The following MYBPC3 variants were observed in gnomAD, a reference collection of about 807,000 sequenced individuals.
MYBPC3 encodes myosin-binding protein C, cardiac-type.
MYBPC3 carries 108 observed loss-of-function variants against 159.3 expected under a neutral mutation model. The observed-to-expected ratio is 0.68, with a 90% CI of 0.58 to 0.80. The LOEUF is 0.80. Among genes scored for constraint, MYBPC3 ranks in the 30% least tolerant of loss-of-function variants. MYBPC3 has a pLI of 0.00. For missense variants in MYBPC3, 1,631 were observed against 1,762.1 expected (o/e 0.93, Z 1.33); for synonymous variants, 730 against 702.0 (o/e 1.04, Z -0.63).
chr11:47,333,394 G>A, intron 29 of MYBPC3, 61 bp from the exon 30 acceptor site: 1 of 1,502,354 alleles, frequency 6.7e-7, no homozygotes, highest in South Asian at 1.3e-5. Context: ...GGGGTCACTG[G>A]CTCCAGGGAC....
rs2095885351 is a variant in MYBPC3 at position 47,338,825 on chromosome 11, C to A, written c.2149-146G>T. On this transcript the variant is annotated intron_variant, in intron 22 of 34. Coordinates refer to ENST00000545968, the MANE Select transcript of MYBPC3 (RefSeq NM_000256.3). This position sits in a 1 kb window ranked among gnomAD's most constrained non-coding sequence, Gnocchi z 4.7. ...TCCACGTCAGCATCTAGTTCAAAATCATCTCTGTGGCACCGACTGAGGGCA... is the reference window on the plus strand; with the variant it reads ...TCCACGTCAGCATCTAGTTCAAAATAATCTCTGTGGCACCGACTGAGGGCA... 2 of 1,109,654 alleles carry A rather than the reference C, an allele frequency of 1.8e-6. No homozygotes were observed. Among genetic ancestry groups the A allele is most frequent in the South Asian group, 1.7e-5 (1 of 60,052 alleles). 68.7% of individuals were successfully genotyped at this position (1,109,654 alleles called of 1,614,324 possible).
chr11:47,343,603 G>A lies in MYBPC3; in HGVS notation c.1112C>T (p.Pro371Leu), dbSNP rs397515887. 18 of 1,612,338 alleles carry A rather than the reference G, an allele frequency of 1.1e-5. No homozygotes were observed. The highest frequency in any genetic ancestry group is 5.5e-5 in the South Asian group (5 of 90,852). The change falls in exon 13 of 35, where the codon CCG becomes CTG. Residue 371 changes from proline (P) to leucine (L), a missense_variant. By Grantham distance (98) the Pro-to-Leu change is moderately conservative. Coordinates refer to ENST00000545968, the MANE Select transcript of MYBPC3 (RefSeq NM_000256.3). ...KSTAFQKKLE[P>L]AYQVSKGHKI... Reference sequence around the variant, plus strand: ...GTGGCCTTTGCTCACCTGGTAGGCCGGCTCCAGCTTCTTCTGAAAGGCTGA... The same window carrying A: ...GTGGCCTTTGCTCACCTGGTAGGCCAGCTCCAGCTTCTTCTGAAAGGCTGA...
rs763364029 is a variant in MYBPC3 at position 47,346,604 on chromosome 11, G to T, written c.926+23C>A. On this transcript the variant is annotated intron_variant, in intron 11 of 34. Transcript: ENST00000545968. This position sits in a 1 kb window ranked among gnomAD's most constrained non-coding sequence, Gnocchi z 5.3. ...TGGCAGAATTAGGGGTGATGAGGGTGCTGTGCTATGTTGGGCACTCACCTC... is the reference window on the plus strand; with the variant it reads ...TGGCAGAATTAGGGGTGATGAGGGTTCTGTGCTATGTTGGGCACTCACCTC... The T allele has an allele frequency of 1.3e-6, 2 of 1,571,310 alleles. No homozygotes were observed. Among genetic ancestry groups the T allele is most frequent in the South Asian group, 1.2e-5 (1 of 84,906 alleles).
rs373746463 is a variant in MYBPC3 at position 47,333,189 on chromosome 11, C to G, written c.3330+5G>C. On this transcript the variant is annotated splice_donor_5th_base_variant and intron_variant, in intron 30 of 34. Coordinates refer to ENST00000545968, the MANE Select transcript of MYBPC3 (RefSeq NM_000256.3). ...GCACGTGGGGACCCCAGACCCTGGG[C>G]TCACCATGGTCTTCTTGTCGGCTTT... 22 of 1,601,506 alleles carry G rather than the reference C, an allele frequency of 1.4e-5. No homozygotes were observed. In the African/African-American group the frequency reaches 2.9e-4, roughly 21 times the overall value.
chr11:47,333,499 C>A, intron 29 of MYBPC3, 58 bp downstream of exon 29: 2 of 1,591,014 alleles, frequency 1.3e-6, no homozygotes, highest in Non-Finnish European at 1.7e-6. Context: ...CCCTTGGCCC[C>A]AGCAGCCCAG....
At position 47,333,982 on chromosome 11, in the gene MYBPC3, G is replaced by A. The variant is rs1307878621; in HGVS notation, c.2934C>T (p.His978=). ...CCTTCTTCTGAATGGTCTGGCGCAG[G>A]TGCCTGGGCAGCTGAAGCCGTGGCC... ...LQRPRLQLPR[H]LRQTIQKKVG... Residue 978 remains histidine, a synonymous_variant, in exon 28 of 35, where the codon CAC becomes CAT. Coordinates refer to ENST00000545968, the MANE Select transcript of MYBPC3 (RefSeq NM_000256.3). 3 of 1,584,864 alleles carry A rather than the reference G, an allele frequency of 1.9e-6. No individual in the cohort carries two copies. The highest frequency in any genetic ancestry group is 1.7e-4 in the Middle Eastern group (1 of 6,018).
At chr11:47,348,946 GACAAAT>G (rs2095897516) in intron 5 of MYBPC3, among the ~76,000 whole-genome samples, 2 of 37,440 alleles carry the variant, frequency 5.3e-5, no homozygotes, top group Non-Finnish European at 1.3e-4. Context: ...GGCTGGGAGT[GACAAAT>G]GCTCATCGAT....
At chr11:47,337,307 T>A in intron 25 of MYBPC3, 84 bp downstream of exon 25, 1 of 1,396,394 alleles carries the variant, frequency 7.2e-7, no homozygotes, top group Non-Finnish European at 9.6e-7. Flanking sequence ...GTGTCTAGCA[T>A]GGCTGCCTGC....
chr11:47,342,962 T>C, intron 15 of MYBPC3, 27 bp from the exon 16 acceptor site: 1 of 1,611,522 alleles, frequency 6.2e-7, no homozygotes, highest in South Asian at 1.1e-5. Flanking sequence ...AGCATGAGGG[T>C]TGGCTCCCCT....
chr11:47,340,611 G>A (rs766605790), intron 20 of MYBPC3, among the ~76,000 whole-genome samples: 6 of 152,208 alleles, frequency 3.9e-5, no homozygotes, highest in Non-Finnish European at 7.3e-5. Context: ...AGCTTGCAGT[G>A]AGCCGAGATC....
chr11:47,349,971 C>T (rs752825064), intron 4 of MYBPC3, 43 bp downstream of exon 4: 5 of 1,564,242 alleles, frequency 3.2e-6, no homozygotes, highest in African/African-American at 2.7e-5. Context: ...TCCTGCTGCC[C>T]CCCCTTCCCA....
Position 47,346,463 on chromosome 11 carries a change from C to T in MYBPC3, c.927-93G>A, listed in dbSNP as rs1056038566. 2.0e-6 allele frequency: 3 copies of T among 1,465,780 alleles called. No individual in the cohort carries two copies. Among genetic ancestry groups the T allele is most frequent in the South Asian group, 2.8e-5 (2 of 71,344 alleles). The allele number at this position is 1,465,780 out of a possible 1,614,324, so 90.8% of individuals were successfully genotyped here. ...CCAGGACCAAGGAGCTGTAGCCACC[C>T]CTGTCCCTCTGCCCCTTCCCTTCTG... On this transcript the variant is annotated intron_variant, in intron 11 of 34. Transcript: ENST00000545968. This position sits in a 1 kb window ranked among gnomAD's most constrained non-coding sequence, Gnocchi z 5.3.
intron 25 of MYBPC3, 115 bp downstream of exon 25, chr11:47,337,276 G>A: frequency 8.7e-7 from 1 of 1,154,108 alleles, no homozygotes; most frequent in South Asian, 1.6e-5. Flanking sequence ...AGTCGAGGAT[G>A]AAAGGAGACT....
chr11:47,347,645 G>T lies in MYBPC3; in HGVS notation c.851+6C>A, dbSNP rs910560060. ...ATGGTGCAGGTAGGGCCTGGGGCAG[G>T]GGTACCTGATCCGCCGACCACCTCC... On this transcript the variant is annotated splice_donor_region_variant and intron_variant, in intron 8 of 34. Coordinates refer to ENST00000545968, the MANE Select transcript of MYBPC3 (RefSeq NM_000256.3). 6.4e-7 allele frequency: 1 copy of T among 1,574,644 alleles called. No homozygotes were observed. Among genetic ancestry groups the T allele is most frequent in the East Asian group, 2.3e-5 (1 of 42,948 alleles).
chr11:47,341,889 C>T, intron 18 of MYBPC3, 102 bp downstream of exon 18: 2 of 1,455,478 alleles, frequency 1.4e-6, no homozygotes, highest in Non-Finnish European at 1.9e-6. Context: ...ATCTGCCTCT[C>T]TGTCCACCTG....
chr11:47,342,119 C>G lies in MYBPC3; in HGVS notation c.1662G>C (p.Leu554=). 1 of 1,614,066 alleles carries G rather than the reference C, an allele frequency of 6.2e-7. No individual in the cohort carries two copies. Among genetic ancestry groups the G allele is most frequent in the Non-Finnish European group, 8.5e-7 (1 of 1,179,900 alleles). ...CCGCCTGGTCCTTTGCGCCCACCAT[C>G]AGGTCTGCGATGCTCTGGTACACCT... is the stretch of plus-strand genomic sequence containing the variant. The part of the protein sequence containing the change: ...KLEVYQSIAD[L]MVGAKDQAVF... The change falls in exon 18 of 35, where the codon CTG becomes CTC. Residue 554 remains leucine, a synonymous_variant. Coordinates refer to ENST00000545968, the MANE Select transcript of MYBPC3 (RefSeq NM_000256.3).
chr11:47,342,281 A>T, intron 17 of MYBPC3, 125 bp from the exon 18 acceptor site: 1 of 1,248,568 alleles, frequency 8.0e-7, no homozygotes, highest in Non-Finnish European at 1.1e-6. Context: ...GGCATGTGAA[A>T]ACACGTGTGC....
rs1003741412 is a variant in MYBPC3, at chr11:47,338,381, G to A, written c.2308+139C>T. The A allele has an allele frequency of 1.6e-6, 2 of 1,248,592 alleles. No individual in the cohort carries two copies. Among genetic ancestry groups the A allele is most frequent in the African/African-American group, 1.5e-5 (1 of 66,744 alleles). The allele number at this position is 1,248,592 out of a possible 1,614,324, so 77.3% of individuals were successfully genotyped here. A position where few individuals can be genotyped will look rare whatever the true frequency, so the allele number is the denominator to read the frequency against. On this transcript the variant is annotated intron_variant, in intron 23 of 34. Transcript: ENST00000545968. The surrounding 1 kb of genome is among the most constrained non-coding windows in gnomAD (Gnocchi z 4.7). ...TCCCCCAGAGCGGGGCTCCTTTTGG[G>A]CAGAAAAACCTGTCCTGTTGCCGCT...
chr11:47,342,858 C>G lies in MYBPC3; in HGVS notation c.1429G>C (p.Val477Leu). Residue 477 changes from valine (V) to leucine (L), a missense_variant, in exon 16 of 35, where the codon GTA (valine) becomes CTA (leucine). Val to Leu is a conservative substitution (Grantham distance 32). Coordinates refer to ENST00000545968, the MANE Select transcript of MYBPC3 (RefSeq NM_000256.3). ...VGQRVEFECEVSEEGAQVKWL... is the reference protein window; with the variant it reads ...VGQRVEFECELSEEGAQVKWL... ...TTGACTTGCGCCCCCTCCTCCGATA[C>G]TTCACACTCAAACTCCACCCGCTGC... 1 of 1,613,352 alleles carries G rather than the reference C, an allele frequency of 6.2e-7. No homozygotes were observed. Among genetic ancestry groups the G allele is most frequent in the Non-Finnish European group, 8.5e-7 (1 of 1,179,574 alleles).
Sources: gnomAD v4.1 joint callset for allele counts (sites outside exome capture counted in the v4.1 genomes callset) on GRCh38, gnomAD v4.1.1 for gene constraint, Gnocchi (gnomAD v3.1) non-coding constraint, MANE v1.5 for transcripts, NCBI Gene and HGNC (gene_info 2026-07-23, HGNC 2026-07-21) for gene names.